Variants in CYP4V2 observed in about 807,000 individuals in gnomAD.
The protein encoded by CYP4V2 is cytochrome P450 family 4 subfamily V member 2.
A neutral mutation model predicts 60.8 loss-of-function variants in CYP4V2; 55 were observed. The ratio of observed to expected loss-of-function variants is 0.90; its 90% CI spans 0.73 to 1.13. The LOEUF is 1.13. CYP4V2 is among the 50% of genes most tolerant of loss of function. CYP4V2 has a pLI of 0.00. For missense variants in CYP4V2, 675 were observed against 662.9 expected, an observed-to-expected ratio of 1.02 and a Z score of -0.20; for synonymous variants, 239 against 236.8, an observed-to-expected ratio of 1.01 and a Z score of -0.08.
rs1171777541 is a variant in CYP4V2, at chr4:186,197,124, A to G, written c.598A>G (p.Ile200Val). 6.2e-7 allele frequency: 1 copy of G among 1,613,840 alleles called. No individual in the cohort carries two copies. Among genetic ancestry groups the G allele is most frequent in the Non-Finnish European group, 8.5e-7 (1 of 1,180,026 alleles). Residue 200 changes from isoleucine to valine, a missense_variant, in exon 4 of 11, where the codon ATC becomes GTC. Coordinates refer to ENST00000378802, the MANE Select transcript of CYP4V2 (RefSeq NM_207352.4). ...CATCACTCTTTGTGCCTTAGATATC[A>G]TCTGTGGTGAGTCTCATCGATCTGT... ...FYITLCALDI[I>V]CETAMGKNIG...
At chr4:186,197,396 G>T in intron 4 of CYP4V2, 137 bp from the exon 5 acceptor site, 3 of 968,214 alleles carry the variant, frequency 3.1e-6, no homozygotes, top group Non-Finnish European at 4.9e-6. Context: ...AGAGAAGAGG[G>T]TAAAGGGAGG....
Position 186,210,511 on chromosome 4 carries a change from G to A in CYP4V2, c.1448G>A (p.Cys483Tyr), listed in dbSNP as rs780771539. 3 of 1,614,172 alleles carry A rather than the reference G, an allele frequency of 1.9e-6. No individual in the cohort carries two copies. The highest frequency in any genetic ancestry group is 1.6e-4 in the Middle Eastern group (1 of 6,062). Reference protein sequence around the residue: ...AVMEEKTILSCILRHFWIESN... With the variant: ...AVMEEKTILSYILRHFWIESN... ...ATGGAAGAAAAGACCATTCTTTCGT[G>A]CATCCTGAGGCACTTTTGGATAGAA... The change falls in exon 11 of 11, where the codon TGC becomes TAC. Residue 483 changes from cysteine (C) to tyrosine (Y), a missense_variant. By Grantham distance (194) the Cys-to-Tyr change is radical (BLOSUM62 -2). Coordinates refer to ENST00000378802, the MANE Select transcript of CYP4V2 (RefSeq NM_207352.4).
At chr4:186,198,074 T>A (rs4862663) in intron 5 of CYP4V2, among the ~76,000 whole-genome samples, 57,571 of 152,052 alleles carry the variant, frequency 0.38, 11,181 homozygotes, top group Non-Finnish European at 0.41. Context: ...GTTTTAGTCA[T>A]CGAAACAGTC....
chr4:186,193,725 A>G (rs1736060494), intron 1 of CYP4V2, among the ~76,000 whole-genome samples: 1 of 152,198 alleles, frequency 6.6e-6, no homozygotes, highest in Non-Finnish European at 1.5e-5. Context: ...ACCTCAACAA[A>G]GTTGGGGATA....
At chr4:186,202,590 GCATA>G (rs1189072232) in intron 7 of CYP4V2, 13 of 151,944 alleles carry the variant, frequency 8.6e-5, no homozygotes, top group African/African-American at 3.1e-4. Context: ...ACACACACAC[GCATA>G]CACTCATGTA....
Position 186,191,926 on chromosome 4 carries a change from C to T in CYP4V2, c.103C>T (p.Gln35Ter). 1 of 1,593,634 alleles carries T rather than the reference C, an allele frequency of 6.3e-7. No individual in the cohort carries two copies. Among genetic ancestry groups the T allele is most frequent in the South Asian group, 1.1e-5 (1 of 88,470 alleles). ...AGASLVLSLL[Q>*]RVASYARKWQ... ...CGCCAGTCTGGTCCTGAGCCTGCTG[C>T]AGAGGGTGGCGAGCTACGCGCGGAA... Residue 35 changes from glutamine to a stop codon, truncating the protein, a stop_gained, in exon 1 of 11, where the codon CAG (glutamine) becomes TAG (stop). Coordinates refer to ENST00000378802, the MANE Select transcript of CYP4V2 (RefSeq NM_207352.4). LOFTEE classifies it high-confidence loss of function.
At chr4:186,192,119 T>G in intron 1 of CYP4V2, 82 bp downstream of exon 1, 2 of 1,495,644 alleles carry the variant, frequency 1.3e-6, no homozygotes, top group Non-Finnish European at 1.8e-6. Flanking sequence ...ACCCGCTGCT[T>G]GTGGCGCTGG....
At chr4:186,207,634 C>A (rs1458236518) in intron 8 of CYP4V2, among the ~76,000 whole-genome samples, 1 of 145,878 alleles carries the variant, frequency 6.9e-6, no homozygotes, top group Admixed American at 6.8e-5. Flanking sequence ...TTTTTTTTTA[C>A]TGAGGTAAAT....
intron 1 of CYP4V2, among the ~76,000 whole-genome samples, chr4:186,193,866 G>T (rs1156849746): frequency 6.6e-6 from 1 of 152,186 alleles, no homozygotes; most frequent in Non-Finnish European, 1.5e-5. Context: ...ATTGCAGTTG[G>T]CTTCCAACTG....
Position 186,191,806 on chromosome 4 carries a change from C to G in CYP4V2, c.-18C>G, listed in dbSNP as rs1205814573. ...CCGCACTTTCCCGGAGTGCACCCCG[C>G]GGCCGCCAGCCGGGGCGATGGCGGG... On this transcript the variant is annotated 5_prime_UTR_variant, in exon 1 of 11. Coordinates refer to ENST00000378802, the MANE Select transcript of CYP4V2 (RefSeq NM_207352.4). 6.5e-7 allele frequency: 1 copy of G among 1,526,762 alleles called. No homozygotes were observed. The highest frequency in any genetic ancestry group is 8.7e-7 in the Non-Finnish European group (1 of 1,143,582). The allele number at this position is 1,526,762 out of a possible 1,614,324, so 94.6% of individuals were successfully genotyped here.
At chr4:186,192,087 C>T in intron 1 of CYP4V2, 50 bp downstream of exon 1, 2 of 1,526,596 alleles carry the variant, frequency 1.3e-6, no homozygotes, top group Admixed American at 2.0e-5. Flanking sequence ...CAGCCCCGTT[C>T]CCACCCTCCG....
Position 186,209,000 on chromosome 4 carries a change from G to A in CYP4V2, c.1225+1G>A, listed in dbSNP as rs768812651. On this transcript the variant is annotated splice_donor_variant, in intron 9 of 10. Coordinates refer to ENST00000378802, the MANE Select transcript of CYP4V2 (RefSeq NM_207352.4). LOFTEE classifies it high-confidence loss of function. Reference sequence around the variant, plus strand: ...AGTGTTAGTGAAGATTGTGAAGTGGGTAAGTATGCTATACCTAAAGTAGAA... The same window carrying A: ...AGTGTTAGTGAAGATTGTGAAGTGGATAAGTATGCTATACCTAAAGTAGAA... 2 of 1,614,126 alleles carry A rather than the reference G, an allele frequency of 1.2e-6. No individual in the cohort carries two copies. Among genetic ancestry groups the A allele is most frequent in the African/African-American group, 1.3e-5 (1 of 75,018 alleles).
Position 186,201,324 on chromosome 4 carries a change from T to G in CYP4V2, c.969T>G (p.Val323=). The G allele has an allele frequency of 6.2e-7, 1 of 1,614,208 alleles. No homozygotes were observed. ...RLSHEDIREE[V]DTFMFEGHDT... is the part of the protein sequence containing the mutation. ...GTCATGAAGATATTCGAGAAGAAGT[T>G]GACACCTTCATGTTTGAGGTATTGT... is the stretch of plus-strand genomic sequence containing the variant. Residue 323 remains valine, a synonymous_variant, in exon 7 of 11, where the codon GTT becomes GTG. Coordinates refer to ENST00000378802, the MANE Select transcript of CYP4V2 (RefSeq NM_207352.4).
chr4:186,203,426 G>A, intron 7 of CYP4V2: 1 of 153,014 alleles, frequency 6.5e-6, no homozygotes, highest in Non-Finnish European at 1.5e-5. Context: ...ACAGGCCGGT[G>A]CAGGCTGTGA....
chr4:186,205,712 A>G (rs1222090309), intron 8 of CYP4V2, among the ~76,000 whole-genome samples: 2 of 152,192 alleles, frequency 1.3e-5, no homozygotes, highest in Non-Finnish European at 2.9e-5. Context: ...AAAAAGGTGG[A>G]TTAAGCTTCG....
chr4:186,206,307 A>T (rs1482704241), intron 8 of CYP4V2, among the ~76,000 whole-genome samples: 1 of 152,040 alleles, frequency 6.6e-6, no homozygotes, highest in Non-Finnish European at 1.5e-5. Context: ...TGGATAATCT[A>T]CCCACTGTAA....
intron 8 of CYP4V2, among the ~76,000 whole-genome samples, chr4:186,207,302 G>A (rs766284454): frequency 2.7e-4 from 41 of 151,194 alleles, no homozygotes; most frequent in Admixed American, 1.4e-3. Context: ...CCAGCTACTC[G>A]GGAGGCTGAG....
At position 186,210,845 on chromosome 4, in the gene CYP4V2, T is replaced by A. The variant is rs577711483; in HGVS notation, c.*204T>A. ...TCTTTTTTCTTTTTTCTTTATTTTT[T>A]TTTTTTGAAACCGTGTCTCACTCTG... On this transcript the variant is annotated 3_prime_UTR_variant, in exon 11 of 11. Coordinates refer to ENST00000378802, the MANE Select transcript of CYP4V2 (RefSeq NM_207352.4). 2.8e-5 allele frequency: 18 copies of A among 632,842 alleles called. No homozygotes were observed. In the African/African-American group the frequency reaches 3.1e-4, roughly 11 times the overall value. 39.2% of individuals were successfully genotyped at this position (632,842 alleles called of 1,614,324 possible).
intron 7 of CYP4V2, chr4:186,201,709 T>G (rs2126590107): frequency 3.9e-6 from 1 of 258,584 alleles, no homozygotes; most frequent in African/African-American, 2.3e-5. Flanking sequence ...ACCTGCTTTC[T>G]GAGGTTCCAG....
Sources: allele counts gnomAD v4.1 joint callset (sites outside exome capture counted in the v4.1 genomes callset), GRCh38; gene constraint gnomAD v4.1.1; transcripts MANE v1.5; gene names NCBI Gene and HGNC (gene_info 2026-07-23, HGNC 2026-07-21).